Variants in CLEC16A observed in about 807,000 individuals in gnomAD.
CLEC16A encodes protein CLEC16A.
In CLEC16A, 51 loss-of-function variants were observed where a neutral mutation model predicts 109.5. The ratio of observed to expected loss-of-function variants is 0.47; its 90% CI spans 0.37 to 0.59. CLEC16A has a LOEUF of 0.59. CLEC16A is among the 20% of genes least tolerant of loss of function. CLEC16A has a pLI of 0.00. For synonymous variants in CLEC16A, 673 were observed against 564.2 expected (o/e 1.19, Z -2.73); for missense variants, 1,339 against 1,394.0 (o/e 0.96, Z 0.63).
intron 5 of CLEC16A, chr16:10,971,628 G>T (rs1038964153): frequency 3.1e-5 from 20 of 641,516 alleles, no homozygotes; most frequent in Non-Finnish European, 3.9e-5. Flanking sequence ...ATATATAAAA[G>T]CATGTCACAT....
At chr16:11,106,456 A>AT (rs538713695) in intron 19 of CLEC16A, among the ~76,000 whole-genome samples, 32,306 of 133,396 alleles carry the variant, frequency 0.24, 4,222 homozygotes, top group African/African-American at 0.32. Context: ...ACCCAGCCCA[A>AT]TTTTTTTTTT....
At chr16:11,156,999 G>A (rs1347923377) in intron 22 of CLEC16A, 38 of 1,186,764 alleles carry the variant, frequency 3.2e-5, no homozygotes, top group Non-Finnish European at 4.0e-5. Flanking sequence ...TCACCCGACA[G>A]CAAAAACATT....
intron 19 of CLEC16A, among the ~76,000 whole-genome samples, chr16:11,088,514 A>T (rs1270701935): frequency 6.6e-6 from 1 of 152,228 alleles, no homozygotes. Flanking sequence ...AAGGCCGCCA[A>T]GGAAGGCCCA....
chr16:10,973,336 G>A (rs1394722304), intron 7 of CLEC16A, among the ~76,000 whole-genome samples: 1 of 152,216 alleles, frequency 6.6e-6, no homozygotes. Flanking sequence ...AAGGGGCTCT[G>A]TCAGCTGATG....
At chr16:11,120,559 C>T (rs2052328815) in intron 19 of CLEC16A, 56 bp from the exon 20 acceptor site, 22 of 1,537,150 alleles carry the variant, frequency 1.4e-5, no homozygotes, top group Non-Finnish European at 1.8e-5. Context: ...TTGGTGTCTC[C>T]ATCACCCTGG....
chr16:10,958,050 TAA>T (rs35204351), intron 2 of CLEC16A, 140 bp downstream of exon 2: 11,578 of 507,472 alleles, frequency 0.023, no homozygotes, highest in East Asian at 0.037. Context: ...TGTCTAGCTG[TAA>T]AAAAAAAAAA....
chr16:11,116,233 TAAAAA>T (rs765905851), intron 19 of CLEC16A, among the ~76,000 whole-genome samples: 1 of 136,446 alleles, frequency 7.3e-6, no homozygotes, highest in South Asian at 2.3e-4. Context: ...CTACTAAAAA[TAAAAA>T]AAAAAAAATA....
chr16:11,134,637 T>A (rs1055983549), intron 22 of CLEC16A, among the ~76,000 whole-genome samples: 4 of 152,218 alleles, frequency 2.6e-5, no homozygotes, highest in Non-Finnish European at 4.4e-5. Context: ...TACTTACTGG[T>A]TTAGCTTCAC....
intron 4 of CLEC16A, among the ~76,000 whole-genome samples, chr16:10,970,137 G>C (rs368809193): frequency 1.3e-5 from 2 of 152,194 alleles, no homozygotes; most frequent in Non-Finnish European, 1.5e-5. Flanking sequence ...GGTTCATCCT[G>C]TGGTTCAACA....
At chr16:11,119,332 C>T (rs1450661054) in intron 19 of CLEC16A, among the ~76,000 whole-genome samples, 2 of 152,160 alleles carry the variant, frequency 1.3e-5, no homozygotes. Flanking sequence ...CAGTACCATG[C>T]TGTGTTGGTT....
intron 7 of CLEC16A, among the ~76,000 whole-genome samples, chr16:10,975,733 A>G (rs1007120949): frequency 1.6e-4 from 25 of 151,986 alleles, no homozygotes; most frequent in Admixed American, 9.8e-4. Flanking sequence ...CTGCAACCCA[A>G]TCTCCCAGAT....
chr16:11,166,229 T>A (rs949970295), intron 22 of CLEC16A, among the ~76,000 whole-genome samples, 159 bp from the exon 23 acceptor site: 3 of 152,222 alleles, frequency 2.0e-5, no homozygotes, highest in African/African-American at 7.2e-5. Context: ...CTTCAAAATG[T>A]GGCTGGGTCA....
At chr16:11,109,744 G>A (rs984474072) in intron 19 of CLEC16A, among the ~76,000 whole-genome samples, 18 of 152,208 alleles carry the variant, frequency 1.2e-4, no homozygotes, top group African/African-American at 4.1e-4. Flanking sequence ...TGGAATTCCA[G>A]GGTGAGCCTG....
At chr16:11,156,406 C>T (rs2054521968) in intron 22 of CLEC16A, among the ~76,000 whole-genome samples, 1 of 151,850 alleles carries the variant, frequency 6.6e-6, no homozygotes, top group Non-Finnish European at 1.5e-5. Flanking sequence ...ATCTGCCACT[C>T]CTTGGCCAGC....
At chr16:11,043,931 T>TG in intron 15 of CLEC16A, 97 bp from the exon 16 acceptor site, 1 of 844,860 alleles carries the variant, frequency 1.2e-6, no homozygotes. Context: ...AGTCCAGATC[T>TG]GTTTTATACA....
chr16:10,946,948 A>T (rs1416461104), intron 1 of CLEC16A, among the ~76,000 whole-genome samples: 2 of 152,220 alleles, frequency 1.3e-5, no homozygotes, highest in Admixed American at 1.3e-4. Flanking sequence ...TCTGAATAAA[A>T]CTTCCCAATA....
intron 19 of CLEC16A, among the ~76,000 whole-genome samples, chr16:11,084,305 C>T (rs969320251): frequency 6.6e-6 from 1 of 152,072 alleles, no homozygotes; most frequent in Non-Finnish European, 1.5e-5. Flanking sequence ...TGGCATTTCC[C>T]ACTGTGTGTG....
intron 19 of CLEC16A, among the ~76,000 whole-genome samples, chr16:11,112,932 C>G (rs1411854497): frequency 6.6e-6 from 1 of 152,172 alleles, no homozygotes; most frequent in Non-Finnish European, 1.5e-5. Flanking sequence ...AGCCTTCCAC[C>G]TGGGCCCTGA....
chr16:10,983,951 C>T (rs1165971848), intron 10 of CLEC16A, among the ~76,000 whole-genome samples: 1 of 148,886 alleles, frequency 6.7e-6, no homozygotes, highest in Non-Finnish European at 1.5e-5. Flanking sequence ...TTATGCGGAG[C>T]CCAGGCTGCA....
Sources: allele counts gnomAD v4.1 joint callset (sites outside exome capture counted in the v4.1 genomes callset), GRCh38; gene constraint gnomAD v4.1.1; transcripts MANE v1.5; gene names NCBI Gene and HGNC (gene_info 2026-07-23, HGNC 2026-07-21).